The following SP1 variants were observed in gnomAD, a reference collection of about 807,000 sequenced individuals.
The protein encoded by SP1 is transcription factor Sp1.
In SP1, 6 loss-of-function variants were observed where a neutral mutation model predicts 66.3. The ratio of observed to expected loss-of-function variants is 0.09; its 90% confidence interval spans 0.05 to 0.18. The LOEUF (loss-of-function observed/expected upper bound fraction) is 0.18, where lower values mean the gene tolerates loss of function less well. Among genes scored for constraint, SP1 ranks in the 10% least tolerant of loss-of-function variants. SP1 has a pLI of 1.00. For synonymous variants in SP1, 417 were observed against 360.8 expected (o/e 1.16, Z -1.77); for missense variants, 848 against 964.5 (o/e 0.88, Z 1.60).
intron 3 of SP1, among the ~76,000 whole-genome samples, chr12:53,391,235 C>G (rs1274419115): frequency 6.6e-6 from 1 of 150,634 alleles, no homozygotes; most frequent in Non-Finnish European, 1.5e-5. Context: ...TAAAGGATTA[C>G]TTTAAAATAT....
chr12:53,384,406 T>A, intron 3 of SP1, among the ~76,000 whole-genome samples: 1 of 152,028 alleles, frequency 6.6e-6, no homozygotes, highest in Non-Finnish European at 1.5e-5. Flanking sequence ...TGCCTGGGCT[T>A]CTTGAGTAGC....
At chr12:53,404,187 AAG>A (rs1046762247) in intron 3 of SP1, among the ~76,000 whole-genome samples, 1 of 151,224 alleles carries the variant, frequency 6.6e-6, no homozygotes, top group Admixed American at 6.6e-5. Context: ...AAAAAAAGGA[AAG>A]AAGTCTTGAG....
chr12:53,388,284 A>G (rs1938273193), intron 3 of SP1, among the ~76,000 whole-genome samples: 1 of 152,168 alleles, frequency 6.6e-6, no homozygotes, highest in Admixed American at 6.5e-5. Flanking sequence ...TGCAATTTCT[A>G]AAAGGCTTAT....
At chr12:53,399,357 G>A (rs758597924) in intron 3 of SP1, among the ~76,000 whole-genome samples, 3 of 148,014 alleles carry the variant, frequency 2.0e-5, no homozygotes, top group East Asian at 2.0e-4. Context: ...TTTTTGAGAC[G>A]GAATCTCGCT....
intron 3 of SP1, among the ~76,000 whole-genome samples, chr12:53,394,497 C>G (rs1052456205): frequency 6.8e-6 from 1 of 148,088 alleles, no homozygotes; most frequent in African/African-American, 2.5e-5. Context: ...CCCTTGACCT[C>G]CTGGGATCAA....
In SP1 at chr12:53,409,569, A is replaced by G; in HGVS notation, c.2044+8A>G. The G allele has an allele frequency of 1.9e-6, 3 of 1,611,340 alleles. No homozygotes were observed. The highest frequency in any genetic ancestry group is 4.5e-5 in the East Asian group (2 of 44,884). ...ACAAACGTACACACACAGGTGAGCA[A>G]GAGCCTATGGGAGAGAAAAATAGTA... is the stretch of plus-strand genomic sequence containing the variant. On this transcript the variant is annotated splice_region_variant and intron_variant, in intron 5 of 5. Coordinates refer to ENST00000327443, the MANE Select transcript of SP1 (RefSeq NM_138473.3).
rs1490047014 is a variant in SP1, at chr12:53,383,391, A to G, written c.1444A>G (p.Ile482Val). 3.7e-6 allele frequency: 6 copies of G among 1,614,138 alleles called. No homozygotes were observed. The highest frequency in any genetic ancestry group is 5.1e-6 in the Non-Finnish European group (6 of 1,180,016). The change falls in exon 3 of 6, where the codon ATC (isoleucine) becomes GTC (valine). Residue 482 changes from isoleucine to valine, a missense_variant. This residue lies in a region of SP1 where 606 missense variants were observed against 589.9 expected (regional missense o/e 1.03). Transcript: ENST00000327443. ...AGTTCAGAACCCACAAGCCCAAACA[A>G]TCACCTTAGCCCCAATGCAGGGTGT... ...LQVQNPQAQT[I>V]TLAPMQGVSL...
rs7963436 is a variant in SP1 at position 53,399,878 on chromosome 12, G to A, written c.1676-6707G>A. Among the ~76,000 whole-genome samples, 352 of 151,610 alleles carry A rather than the reference G, an allele frequency of 2.3e-3. 1 individual carries two copies. Among genetic ancestry groups the A allele is most frequent in the African/African-American group, 8.2e-3 (339 of 41,356 alleles). The stretch of plus-strand genomic sequence containing the variant: ...ACTCTCAACCTCAGGTCATCCGCCC[G>A]CCTCGGCCTCCCAAAGTGCTGGGAT... On this transcript the variant is annotated intron_variant, in intron 3 of 5. Coordinates refer to ENST00000327443, the MANE Select transcript of SP1 (RefSeq NM_138473.3).
At chr12:53,409,699 A>C in intron 5 of SP1, 138 bp downstream of exon 5, 2 of 759,366 alleles carry the variant, frequency 2.6e-6, no homozygotes, top group South Asian at 3.7e-5. Context: ...ATTGGAGTTA[A>C]TCTGGAAAAT....
chr12:53,402,220 C>CTTT (rs35020021), intron 3 of SP1, among the ~76,000 whole-genome samples: 2 of 131,522 alleles, frequency 1.5e-5, no homozygotes, highest in African/African-American at 2.8e-5. Flanking sequence ...TAGGCTGCAC[C>CTTT]TTTTTTTTTT....
In SP1 at chr12:53,410,922, C is replaced by T. The variant is rs1182358747; in HGVS notation, c.2045-5C>T. 2 of 1,607,656 alleles carry T rather than the reference C, an allele frequency of 1.2e-6. No homozygotes were observed. Among genetic ancestry groups the T allele is most frequent in the Non-Finnish European group, 1.7e-6 (2 of 1,175,380 alleles). ...CAGCTTCTTATCTTTTCTTCCTTTA[C>T]CTAGGTGAGAAGAAATTTGCCTGCC... On this transcript the variant is annotated splice_polypyrimidine_tract_variant and splice_region_variant and intron_variant, in intron 5 of 5. Coordinates refer to ENST00000327443, the MANE Select transcript of SP1 (RefSeq NM_138473.3).
intron 3 of SP1, 24 bp from the exon 4 acceptor site, chr12:53,406,561 G>T: frequency 6.2e-7 from 1 of 1,610,400 alleles, no homozygotes; most frequent in South Asian, 1.1e-5. Context: ...GTCACATGTT[G>T]ACCCTTTTCT....
chr12:53,410,632 A>T (rs1938863599), intron 5 of SP1, among the ~76,000 whole-genome samples: 1 of 151,756 alleles, frequency 6.6e-6, no homozygotes, highest in Non-Finnish European at 1.5e-5. Flanking sequence ...AGCCTCTCCG[A>T]GTAGCTGGGA....
chr12:53,383,958 G>C lies in SP1; in HGVS notation c.1675+336G>C, dbSNP rs868159970. 3.4e-5 allele frequency among the ~76,000 whole-genome samples: 5 copies of C among 149,040 alleles called. No homozygotes were observed. In the South Asian group the frequency reaches 1.0e-3, roughly 31 times the overall value. ...TTTTAGACATTGTGGGCCTCATGTG[G>C]TCACATTTTCTTTTCTTTTTTTTTT... On this transcript the variant is annotated intron_variant, in intron 3 of 5. Coordinates refer to ENST00000327443, the MANE Select transcript of SP1 (RefSeq NM_138473.3).
chr12:53,381,908 A>T, intron 2 of SP1, 95 bp downstream of exon 2: 1 of 1,401,570 alleles, frequency 7.1e-7, no homozygotes, highest in Non-Finnish European at 9.7e-7. Flanking sequence ...TTAGGGAGAG[A>T]CTAAACCATT....
At position 53,380,240 on chromosome 12, in the gene SP1, C is replaced by T. The variant is rs543913853; in HGVS notation, c.-52C>T. ...TCAGCGTCCGCGTTTTTCCCGGCCC[C>T]CCCCAACCCCCCCGGACAGGACCCC... On this transcript the variant is annotated 5_prime_UTR_variant, in exon 1 of 6. Coordinates refer to ENST00000327443, the MANE Select transcript of SP1 (RefSeq NM_138473.3). 1.7e-6 allele frequency: 2 copies of T among 1,198,484 alleles called. No individual in the cohort carries two copies. The highest frequency in any genetic ancestry group is 1.2e-5 in the South Asian group (1 of 81,606). 74.2% of individuals were successfully genotyped at this position (1,198,484 alleles called of 1,614,324 possible).
Position 53,411,264 on chromosome 12 carries a change from CAT to C in SP1, c.*27_*28del, listed in dbSNP as rs781105580. The C allele has an allele frequency of 7.6e-6, 12 of 1,582,252 alleles. No individual in the cohort carries two copies. The African/African-American group carries it at 9.4e-5, about 12-fold the overall frequency. ...GAGATCAGGCACCCGGGGCCAGAGACATATGGGCCATACCCCTTAACCCCGGG... is the reference window on the plus strand; with the variant it reads ...GAGATCAGGCACCCGGGGCCAGAGACATGGGCCATACCCCTTAACCCCGGG... On this transcript the variant is annotated 3_prime_UTR_variant, in exon 6 of 6. Transcript: ENST00000327443.
chr12:53,403,501 C>T (rs902896801), intron 3 of SP1, among the ~76,000 whole-genome samples: 2 of 148,504 alleles, frequency 1.3e-5, no homozygotes, highest in African/African-American at 5.0e-5. Context: ...TCCAGGCACA[C>T]GCCACCATGC....
At chr12:53,385,912 C>CAAA (rs201937295) in intron 3 of SP1, among the ~76,000 whole-genome samples, 3 of 101,996 alleles carry the variant, frequency 2.9e-5, no homozygotes, top group Admixed American at 1.0e-4. Flanking sequence ...GACTCCGTCT[C>CAAA]AAAAAAAAAA....
Sources: gnomAD v4.1 joint callset for allele counts (sites outside exome capture counted in the v4.1 genomes callset) on GRCh38, gnomAD v4.1.1 for gene constraint, gnomAD v4.1.1 regional missense constraint, MANE v1.5 for transcripts, NCBI Gene and HGNC (gene_info 2026-07-23, HGNC 2026-07-21) for gene names.